Variants in PLEKHA5 observed in about 807,000 individuals in gnomAD.
The protein encoded by PLEKHA5 is pleckstrin homology domain-containing family A member 5.
PLEKHA5 carries 55 observed loss-of-function variants against 181.9 expected under a neutral mutation model. That is an observed-to-expected ratio of 0.30 (90% CI 0.24 to 0.38). The LOEUF (loss-of-function observed/expected upper bound fraction) is 0.38, where lower values mean the gene tolerates loss of function less well. PLEKHA5 is among the 10% of genes least tolerant of loss of function. The pLI is 1.00. For missense variants in PLEKHA5, 1,432 were observed against 1,549.5 expected (o/e 0.92, Z 1.27); for synonymous variants, 535 against 529.4 (o/e 1.01, Z -0.15).
chr12:19,356,109 G>A (rs1280697011), intron 26 of PLEKHA5, among the ~76,000 whole-genome samples: 3 of 151,560 alleles, frequency 2.0e-5, no homozygotes, highest in African/African-American at 7.3e-5. Context: ...AGGTCGCAGT[G>A]AGTCGAGATT....
intron 3 of PLEKHA5, among the ~76,000 whole-genome samples, chr12:19,213,910 ATTC>A (rs2057444775): frequency 6.6e-6 from 1 of 152,180 alleles, no homozygotes; most frequent in African/African-American, 2.4e-5. Context: ...TAGATAGGAT[ATTC>A]TTTTTGTTGA....
chr12:19,274,680 A>G lies in PLEKHA5; in HGVS notation c.1010A>G (p.Lys337Arg). The part of the protein sequence containing the change: ...ALEAEKYGFQ[K>R]DGQDRPLTKI... ...GAAGCTGAAAAATATGGATTTCAGA[A>G]GGATGGTCAAGATAGACCCTTAACA... is the stretch of plus-strand genomic sequence containing the variant. The change falls in exon 11 of 32, where the codon AAG becomes AGG. Residue 337 changes from lysine (K) to arginine (R), a missense_variant. This residue lies in a region of PLEKHA5 where 1,143 missense variants were observed against 1,168.4 expected (regional missense o/e 0.98). Coordinates refer to ENST00000429027, the MANE Select transcript of PLEKHA5 (RefSeq NM_001256470.2). The G allele has an allele frequency of 1.2e-6, 2 of 1,614,100 alleles. No homozygotes were observed. The highest frequency in any genetic ancestry group is 1.7e-6 in the Non-Finnish European group (2 of 1,179,922).
chr12:19,140,315 C>A (rs571128005), intron 3 of PLEKHA5, among the ~76,000 whole-genome samples: 13 of 152,290 alleles, frequency 8.5e-5, no homozygotes, highest in African/African-American at 2.2e-4. Flanking sequence ...GAAGTCTGTA[C>A]TATCGTGATT....
chr12:19,170,975 A>C (rs1028085427), intron 3 of PLEKHA5, among the ~76,000 whole-genome samples: 4 of 152,222 alleles, frequency 2.6e-5, no homozygotes, highest in Admixed American at 2.0e-4. Flanking sequence ...CTAATAAGAC[A>C]ATTGCAAGAA....
intron 3 of PLEKHA5, among the ~76,000 whole-genome samples, chr12:19,170,520 G>C (rs1367988436): frequency 6.6e-6 from 1 of 151,830 alleles, no homozygotes; most frequent in African/African-American, 2.4e-5. Flanking sequence ...CTGCCTCCTG[G>C]GTTTAAGCAA....
At chr12:19,368,991 G>GA (rs1347290489) in intron 30 of PLEKHA5, among the ~76,000 whole-genome samples, 11 of 148,690 alleles carry the variant, frequency 7.4e-5, no homozygotes, top group African/African-American at 2.7e-4. Flanking sequence ...CCTCAAAGCA[G>GA]AAAAAAAAAA....
chr12:19,239,572 G>A (rs535670535), intron 3 of PLEKHA5, among the ~76,000 whole-genome samples: 2 of 152,310 alleles, frequency 1.3e-5, no homozygotes, highest in South Asian at 4.1e-4. Flanking sequence ...CCTTTTCAGA[G>A]TTTTAACAAA....
chr12:19,203,754 T>C (rs1008921269), intron 3 of PLEKHA5, among the ~76,000 whole-genome samples: 2 of 152,158 alleles, frequency 1.3e-5, no homozygotes, highest in Non-Finnish European at 2.9e-5. Context: ...AAAGCAGAGA[T>C]AGTTGTACTC....
At chr12:19,174,763 CT>C (rs1019760728) in intron 3 of PLEKHA5, among the ~76,000 whole-genome samples, 36 of 152,256 alleles carry the variant, frequency 2.4e-4, no homozygotes, top group African/African-American at 8.7e-4. Flanking sequence ...CTCTTCCATA[CT>C]AGAGGGCCAC....
chr12:19,219,066 C>A (rs917935846), intron 3 of PLEKHA5, among the ~76,000 whole-genome samples: 4 of 151,498 alleles, frequency 2.6e-5, no homozygotes. Context: ...ATTTGAACTG[C>A]GCTGGTCCAC....
At chr12:19,136,019 A>G (rs1003918482) in intron 3 of PLEKHA5, among the ~76,000 whole-genome samples, 5 of 151,582 alleles carry the variant, frequency 3.3e-5, no homozygotes, top group Non-Finnish European at 5.9e-5. Context: ...AGCTGGGACC[A>G]CAAGTGTGTA....
At chr12:19,297,345 G>A (rs1481559210) in intron 15 of PLEKHA5, among the ~76,000 whole-genome samples, 12 of 151,764 alleles carry the variant, frequency 7.9e-5, no homozygotes, top group African/African-American at 1.5e-4. Flanking sequence ...AATACAGGCC[G>A]GGCGCGGTGG....
intron 21 of PLEKHA5, among the ~76,000 whole-genome samples, chr12:19,337,894 G>A (rs774921205): frequency 6.6e-6 from 1 of 151,406 alleles, no homozygotes; most frequent in Non-Finnish European, 1.5e-5. Flanking sequence ...AGCCGAGCTT[G>A]GTGGCAGGCA....
chr12:19,182,180 T>C (rs1018757246), intron 3 of PLEKHA5, among the ~76,000 whole-genome samples: 2 of 152,224 alleles, frequency 1.3e-5, no homozygotes, highest in Admixed American at 6.5e-5. Context: ...AGTTAACACA[T>C]GCTCCTAAAA....
chr12:19,190,932 T>C (rs2050960107), intron 3 of PLEKHA5, among the ~76,000 whole-genome samples: 1 of 152,086 alleles, frequency 6.6e-6, no homozygotes, highest in Non-Finnish European at 1.5e-5. Flanking sequence ...AAAAGAGAAG[T>C]TGGAAAAGGA....
chr12:19,208,859 G>T (rs914068418), intron 3 of PLEKHA5, among the ~76,000 whole-genome samples: 5 of 152,090 alleles, frequency 3.3e-5, no homozygotes, highest in Non-Finnish European at 7.4e-5. Flanking sequence ...TGAGAATGGA[G>T]ATAGATTGAG....
chr12:19,265,614 C>A, intron 7 of PLEKHA5, 136 bp from the exon 8 acceptor site: 2 of 572,522 alleles, frequency 3.5e-6, no homozygotes, highest in Admixed American at 3.3e-5. Context: ...CATTTAAAAC[C>A]TTATAAAGGC....
rs1000896931 is a variant in PLEKHA5 at position 19,347,164 on chromosome 12, A to C, written c.2880A>C (p.Pro960=). ...EKKMYQVQGY[P]RNGSHCGPDY... The stretch of plus-strand genomic sequence containing the variant: ...AGATGTATCAAGTTCAAGGATATCC[A>C]AGAAATGGATCTCACTGTGTAAGTG... Residue 960 remains proline, a synonymous_variant, in exon 24 of 32, where the codon CCA becomes CCC. Coordinates refer to ENST00000429027, the MANE Select transcript of PLEKHA5 (RefSeq NM_001256470.2). 1.3e-6 allele frequency: 2 copies of C among 1,545,428 alleles called. No homozygotes were observed. Among genetic ancestry groups the C allele is most frequent in the East Asian group, 4.9e-5 (2 of 40,852 alleles).
rs1249819877 is a variant in PLEKHA5 at position 19,132,410 on chromosome 12, G to A, written c.187G>A (p.Glu63Lys). ...RQSTDLPTGWEEAYTFEGARY... is the reference protein window; with the variant it reads ...RQSTDLPTGWKEAYTFEGARY... ...TGTTTTAGATTTGCCTACTGGCTGGGAAGAAGCATATACTTTTGAAGGTGC... is the reference window on the plus strand; with the variant it reads ...TGTTTTAGATTTGCCTACTGGCTGGAAAGAAGCATATACTTTTGAAGGTGC... The change falls in exon 3 of 32, where the codon GAA becomes AAA. Residue 63 changes from glutamate to lysine, a missense_variant. Physicochemically the swap from Glu to Lys is moderately conservative, Grantham distance 56 (BLOSUM62 1). This residue lies in a region of PLEKHA5 where 289 missense variants were observed against 381.1 expected (regional missense o/e 0.76). Transcript: ENST00000429027. 1 of 1,548,502 alleles carries A rather than the reference G, an allele frequency of 6.5e-7. No individual in the cohort carries two copies. The highest frequency in any genetic ancestry group is 2.3e-5 in the East Asian group (1 of 43,828).
Sources: gnomAD v4.1 joint callset for allele counts (sites outside exome capture counted in the v4.1 genomes callset) on GRCh38, gnomAD v4.1.1 for gene constraint, gnomAD v4.1.1 regional missense constraint, MANE v1.5 for transcripts, NCBI Gene and HGNC (gene_info 2026-07-23, HGNC 2026-07-21) for gene names.